STX19: variants seen among roughly 807,000 people sequenced by gnomAD.
STX19 encodes syntaxin-19.
A neutral mutation model predicts 24.3 loss-of-function variants in STX19; 26 were observed. The observed-to-expected ratio is 1.07, with a 90% confidence interval of 0.78 to 1.48. STX19 has a LOEUF of 1.48. Ranked by LOEUF, STX19 falls within the 40% of genes most tolerant of loss-of-function variation. The pLI, the probability that STX19 is intolerant of heterozygous loss-of-function variation, is 0.00. For missense variants in STX19, 367 were observed against 331.9 expected, an observed-to-expected ratio of 1.11 and a Z score of -0.82; for synonymous variants, 116 against 106.9, an observed-to-expected ratio of 1.09 and a Z score of -0.52.
At chr3:94,026,721 G>T (rs2076565861) in intron 1 of STX19, among the ~76,000 whole-genome samples, 1 of 152,130 alleles carries the variant, frequency 6.6e-6, no homozygotes, top group Non-Finnish European at 1.5e-5. Context: ...TATGCAGTCT[G>T]TTATGTACCT....
At chr3:94,024,972 T>C (rs1441830614) in intron 1 of STX19, among the ~76,000 whole-genome samples, 1 of 152,184 alleles carries the variant, frequency 6.6e-6, no homozygotes, top group Non-Finnish European at 1.5e-5. Flanking sequence ...AAATAGACTA[T>C]TTCAAATTGC....
intron 1 of STX19, among the ~76,000 whole-genome samples, chr3:94,023,411 G>A (rs1405825108): frequency 5.3e-5 from 8 of 151,644 alleles, no homozygotes; most frequent in African/African-American, 1.9e-4. Context: ...ATGTGATCTG[G>A]GGTAGGTCTT....
intron 1 of STX19, among the ~76,000 whole-genome samples, chr3:94,019,810 C>T (rs1172137460): frequency 6.6e-6 from 1 of 152,202 alleles, no homozygotes; most frequent in Non-Finnish European, 1.5e-5. Flanking sequence ...CCTTGCTGTT[C>T]TCACACAAAT....
rs762515612 is a variant in STX19, at chr3:94,014,532, G to A, written c.738C>T (p.Ser246=). The A allele has an allele frequency of 2.5e-6, 4 of 1,612,598 alleles. No homozygotes were observed. The highest frequency in any genetic ancestry group is 3.4e-6 in the Non-Finnish European group (4 of 1,179,524). The change falls in exon 2 of 2, where the codon AGC becomes AGT. Residue 246 remains serine (S), a synonymous_variant. Coordinates refer to ENST00000315099, the MANE Select transcript of STX19 (RefSeq NM_001001850.3). ...ISLLVEEQGE[S]INNIEMTVNS... is the part of the protein sequence containing the mutation. ...TCACTGTCATTTCAATATTGTTGAT[G>A]CTCTCTCCTTGTTCCTCTACTAAAA...
At chr3:94,018,815 G>T (rs2076387654) in intron 1 of STX19, among the ~76,000 whole-genome samples, 1 of 152,122 alleles carries the variant, frequency 6.6e-6, no homozygotes, top group Admixed American at 6.5e-5. Flanking sequence ...CCCTAGGCCG[G>T]AGTGCAGTGG....
chr3:94,021,364 T>C (rs2076445766), intron 1 of STX19, among the ~76,000 whole-genome samples: 1 of 151,744 alleles, frequency 6.6e-6, no homozygotes, highest in Admixed American at 6.6e-5. Context: ...CCAGATAATT[T>C]TTGTATTTCT....
chr3:94,028,044 A>G (rs1261841609), intron 1 of STX19, among the ~76,000 whole-genome samples: 1 of 152,186 alleles, frequency 6.6e-6, no homozygotes, highest in Non-Finnish European at 1.5e-5. Context: ...TCTATAAAAG[A>G]AATAATTTTA....
At chr3:94,023,686 T>A (rs947277537) in intron 1 of STX19, among the ~76,000 whole-genome samples, 2 of 152,160 alleles carry the variant, frequency 1.3e-5, no homozygotes, top group African/African-American at 4.8e-5. Flanking sequence ...TAGACATATC[T>A]ACTTGATTGC....
At chr3:94,016,516 A>G (rs185691110) in intron 1 of STX19, among the ~76,000 whole-genome samples, 293 of 152,326 alleles carry the variant, frequency 1.9e-3, no homozygotes, top group African/African-American at 6.4e-3. Flanking sequence ...TAACAAAAAT[A>G]TATTTAACAG....
chr3:94,021,196 A>G (rs1356631412), intron 1 of STX19, among the ~76,000 whole-genome samples: 2 of 148,972 alleles, frequency 1.3e-5, no homozygotes, highest in South Asian at 4.2e-4. Context: ...ATATATATAT[A>G]TATAATTTTT....
chr3:94,026,589 A>C (rs1008066215), intron 1 of STX19, among the ~76,000 whole-genome samples: 1 of 152,206 alleles, frequency 6.6e-6, no homozygotes, highest in African/African-American at 2.4e-5. Context: ...AAATGAGACA[A>C]ATAAGCATGT....
chr3:94,021,712 T>C (rs2076452309), intron 1 of STX19, among the ~76,000 whole-genome samples: 1 of 152,196 alleles, frequency 6.6e-6, no homozygotes, highest in African/African-American at 2.4e-5. Flanking sequence ...ATTTATCTTG[T>C]ATAGCTTCCT....
Position 94,015,225 on chromosome 3 carries a change from A to C in STX19, c.45T>G (p.Ile15Met). ...LQELKQRTKE[I>M]ELSRDSHVST... is the part of the protein sequence containing the mutation. ...ATACATGACTGTCTCTAGAGAGTTC[A>C]ATTTCCTTTGTTCTCTGCTTTAGTT... Residue 15 changes from isoleucine (I) to methionine (M), a missense_variant, in exon 2 of 2, where the codon ATT becomes ATG. Coordinates refer to ENST00000315099, the MANE Select transcript of STX19 (RefSeq NM_001001850.3). 1 of 1,588,878 alleles carries C rather than the reference A, an allele frequency of 6.3e-7. No homozygotes were observed. Among genetic ancestry groups the C allele is most frequent in the Non-Finnish European group, 8.5e-7 (1 of 1,172,102 alleles).
intron 1 of STX19, among the ~76,000 whole-genome samples, chr3:94,020,174 T>G (rs1168728767): frequency 6.6e-6 from 1 of 152,198 alleles, no homozygotes; most frequent in Non-Finnish European, 1.5e-5. Flanking sequence ...TAGAGGGTCT[T>G]TATTCTTTCC....
Position 94,014,430 on chromosome 3 carries a change from G to T in STX19, c.840C>A (p.Cys280Ter), listed in dbSNP as rs2076283963. Reference protein sequence around the residue: ...LAVKYKKRNPCRVLCCWCCPC... With the variant: ...LAVKYKKRNP ...GACAGCACCAACAACACAGTACTCT[G>T]CAAGGATTTCTTTTTTTGTATTTTA... The change falls in exon 2 of 2, where the codon TGC becomes TGA. Residue 280 changes from cysteine to a stop codon, truncating the protein, a stop_gained. Coordinates refer to ENST00000315099, the MANE Select transcript of STX19 (RefSeq NM_001001850.3). LOFTEE classifies it high-confidence loss of function. The T allele has an allele frequency of 2.5e-6, 4 of 1,587,574 alleles. No homozygotes were observed. Among genetic ancestry groups the T allele is most frequent in the East Asian group, 4.5e-5 (2 of 44,790 alleles).
At chr3:94,023,592 C>G (rs770882612) in intron 1 of STX19, among the ~76,000 whole-genome samples, 11 of 151,870 alleles carry the variant, frequency 7.2e-5, no homozygotes, top group Non-Finnish European at 1.5e-4. Context: ...ACAGTCCAGT[C>G]CAAGAAAAGC....
chr3:94,018,097 T>G (rs552079364), intron 1 of STX19, among the ~76,000 whole-genome samples: 1 of 152,198 alleles, frequency 6.6e-6, no homozygotes, highest in Admixed American at 6.5e-5. Context: ...GGGGTGTCCC[T>G]ATGTTGTCCA....
intron 1 of STX19, among the ~76,000 whole-genome samples, chr3:94,024,996 T>C (rs182936826): frequency 3.9e-4 from 59 of 152,296 alleles, no homozygotes; most frequent in Non-Finnish European, 2.9e-4. Context: ...TGGAGCACAG[T>C]GTACACAGGC....
intron 1 of STX19, among the ~76,000 whole-genome samples, chr3:94,018,832 C>A (rs533971301): frequency 7.0e-4 from 106 of 152,198 alleles, no homozygotes; most frequent in African/African-American, 2.3e-3. Flanking sequence ...GTGGTGTGGT[C>A]TCGGCTCACT....
Sources: allele counts gnomAD v4.1 joint callset (sites outside exome capture counted in the v4.1 genomes callset), GRCh38; gene constraint gnomAD v4.1.1; transcripts MANE v1.5; gene names NCBI Gene and HGNC (gene_info 2026-07-23, HGNC 2026-07-21).